TERF2: variants seen among roughly 807,000 people sequenced by gnomAD.
The protein encoded by TERF2 is telomeric repeat binding factor 2.
A neutral mutation model predicts 56.1 loss-of-function variants in TERF2; 16 were observed. The observed-to-expected ratio is 0.29, with a 90% CI of 0.19 to 0.43. TERF2 has a LOEUF of 0.43. Among genes scored for constraint, TERF2 ranks in the 20% least tolerant of loss-of-function variants. The pLI is 1.00. For missense variants in TERF2, 547 were observed against 712.9 expected (o/e 0.77, Z 2.65); for synonymous variants, 296 against 282.1 (o/e 1.05, Z -0.50).
At chr16:69,358,935 G>T (rs566139607) in intron 8 of TERF2, among the ~76,000 whole-genome samples, 1 of 151,956 alleles carries the variant, frequency 6.6e-6, no homozygotes, top group African/African-American at 2.4e-5. Context: ...CTATTTTTCC[G>T]CTACAAACCT....
chr16:69,382,300 A>T (rs975442867), intron 3 of TERF2, among the ~76,000 whole-genome samples: 1 of 152,258 alleles, frequency 6.6e-6, no homozygotes, highest in Non-Finnish European at 1.5e-5. Context: ...ATGCATGAGC[A>T]AGGCTCACTG....
intron 3 of TERF2, among the ~76,000 whole-genome samples, chr16:69,375,047 G>C (rs1290445681): frequency 6.6e-6 from 1 of 152,124 alleles, no homozygotes; most frequent in Non-Finnish European, 1.5e-5. Context: ...CTTTCACTCT[G>C]TATAAGGCCT....
intron 8 of TERF2, 95 bp from the exon 9 acceptor site, chr16:69,357,656 C>A: frequency 2.1e-6 from 3 of 1,436,926 alleles, no homozygotes; most frequent in Non-Finnish European, 2.9e-6. Flanking sequence ...GGGAAAACTT[C>A]TTCAAATTTC....
intron 3 of TERF2, among the ~76,000 whole-genome samples, chr16:69,376,975 C>T (rs899634961): frequency 2.0e-5 from 3 of 151,670 alleles, no homozygotes; most frequent in Admixed American, 6.6e-5. Flanking sequence ...CCGACGCAGG[C>T]GGATTGCCTG....
In TERF2 at chr16:69,385,853, G is replaced by A; in HGVS notation, c.119C>T (p.Ser40Leu). Residue 40 changes from serine (S) to leucine (L), a missense_variant, in exon 1 of 10, where the codon TCG becomes TTG. By Grantham distance (145) the Ser-to-Leu change is moderately radical. Transcript: ENST00000254942. ...CCCGCCTCCTCCCGCCATCGTGTCC[G>A]ATCGCCGCGCGCCCTCCCCGCCCTC... ...GREGGEGARR[S>L]DTMAGGGGSS... 1.5e-6 allele frequency: 2 copies of A among 1,366,796 alleles called. No homozygotes were observed. The highest frequency in any genetic ancestry group is 1.7e-5 in the South Asian group (1 of 58,814). The allele number at this position is 1,366,796 out of a possible 1,614,324, so 84.7% of individuals were successfully genotyped here.
chr16:69,384,136 T>C (rs2014100871), intron 3 of TERF2, among the ~76,000 whole-genome samples: 1 of 152,206 alleles, frequency 6.6e-6, no homozygotes, highest in Non-Finnish European at 1.5e-5. Context: ...CTGATTCTAA[T>C]CTATCTGTTC....
At chr16:69,370,327 G>T in intron 5 of TERF2, 156 bp downstream of exon 5, 1 of 1,062,126 alleles carries the variant, frequency 9.4e-7, no homozygotes, top group Non-Finnish European at 1.3e-6. Flanking sequence ...CATTGCGCCT[G>T]GCCTGCTTTT....
chr16:69,370,047 T>G (rs906800515), intron 5 of TERF2, among the ~76,000 whole-genome samples: 2 of 152,230 alleles, frequency 1.3e-5, no homozygotes, highest in Non-Finnish European at 2.9e-5. Flanking sequence ...TATTTATTTT[T>G]TGAGACGGAG....
chr16:69,361,772 C>T (rs1452393450), intron 7 of TERF2, among the ~76,000 whole-genome samples: 2 of 151,632 alleles, frequency 1.3e-5, no homozygotes, highest in Non-Finnish European at 2.9e-5. Context: ...TCCTGTTTTG[C>T]TTGTTTGGTT....
At chr16:69,370,686 A>G (rs2013536189) in intron 4 of TERF2, 57 bp from the exon 5 acceptor site, 3 of 1,534,264 alleles carry the variant, frequency 2.0e-6, no homozygotes, top group African/African-American at 2.7e-5. Flanking sequence ...TAAAAATTCA[A>G]TGATGATGAG....
intron 3 of TERF2, among the ~76,000 whole-genome samples, chr16:69,378,975 A>C (rs2013896400): frequency 6.6e-6 from 1 of 151,964 alleles, no homozygotes; most frequent in African/African-American, 2.4e-5. Flanking sequence ...TAAAAAGATG[A>C]ATCACTGCTT....
At chr16:69,364,424 C>T (rs941209880) in intron 7 of TERF2, among the ~76,000 whole-genome samples, 1 of 152,140 alleles carries the variant, frequency 6.6e-6, no homozygotes, top group Non-Finnish European at 1.5e-5. Flanking sequence ...ATTCAGTAGC[C>T]AGGAGCCTGG....
chr16:69,385,286 TG>T lies in TERF2; in HGVS notation c.475+104del, dbSNP rs1188675469. 4.1e-6 allele frequency: 4 copies of T among 984,252 alleles called. No individual in the cohort carries two copies. The East Asian group carries it at 7.3e-5, about 18-fold the overall frequency. The allele number at this position is 984,252 out of a possible 1,614,324, so 61.0% of individuals were successfully genotyped here. On this transcript the variant is annotated intron_variant, in intron 2 of 9. Coordinates refer to ENST00000254942, the MANE Select transcript of TERF2 (RefSeq NM_005652.5). ...CGTAGAATGAAAAAGACCACTCTGATGGAAACTATCGCACTTTAACCTGGAA... is the reference window on the plus strand; with the variant it reads ...CGTAGAATGAAAAAGACCACTCTGATGAAACTATCGCACTTTAACCTGGAA...
chr16:69,384,164 A>T (rs1175744759), intron 3 of TERF2, among the ~76,000 whole-genome samples: 1 of 152,186 alleles, frequency 6.6e-6, no homozygotes, highest in Non-Finnish European at 1.5e-5. Context: ...ATATTCTCTA[A>T]GCCCCTCTTT....
At position 69,356,867 on chromosome 16, in the gene TERF2, C is replaced by G. The variant is rs778529288; in HGVS notation, c.*31G>C. 1 of 1,592,998 alleles carries G rather than the reference C, an allele frequency of 6.3e-7. No homozygotes were observed. Among genetic ancestry groups the G allele is most frequent in the Non-Finnish European group, 8.5e-7 (1 of 1,170,912 alleles). On this transcript the variant is annotated 3_prime_UTR_variant, in exon 10 of 10. Transcript: ENST00000254942. ...AGGGGCTATTATTAGGAACCATGCT[C>G]CTGTGAATTCTGTGGAAATGAAAGC... is the stretch of plus-strand genomic sequence containing the variant.
rs1251969114 is a variant in TERF2 at position 69,356,839 on chromosome 16, A to C, written c.*59T>G. The stretch of plus-strand genomic sequence containing the variant: ...AAGAAAAAGAAAGAAAGAGCAGACT[A>C]TCAGGGGCTATTATTAGGAACCATG... On this transcript the variant is annotated 3_prime_UTR_variant, in exon 10 of 10. Transcript: ENST00000254942. 2.0e-6 allele frequency: 3 copies of C among 1,513,776 alleles called. No homozygotes were observed. The highest frequency in any genetic ancestry group is 2.3e-5 in the East Asian group (1 of 43,454). The allele number at this position is 1,513,776 out of a possible 1,614,324, so 93.8% of individuals were successfully genotyped here.
intron 3 of TERF2, among the ~76,000 whole-genome samples, chr16:69,382,084 T>C (rs2014020830): frequency 6.6e-6 from 1 of 152,244 alleles, no homozygotes; most frequent in Non-Finnish European, 1.5e-5. Flanking sequence ...CAAATGCCAA[T>C]GCATTGAAAA....
intron 3 of TERF2, among the ~76,000 whole-genome samples, chr16:69,381,196 T>C (rs183200619): frequency 2.1e-4 from 32 of 152,324 alleles, no homozygotes; most frequent in Middle Eastern, 3.4e-3. Flanking sequence ...GAATACAAGT[T>C]TTCCAAAATT....
rs1053487572 is a variant in TERF2 at position 69,366,903 on chromosome 16, G to A, written c.1244C>T (p.Pro415Leu). ...VLEEDSQSTE[P>L]SAGLNSSQEA... is the part of the protein sequence containing the mutation. Reference sequence around the variant, plus strand: ...CTGGGAGGAGTTGAGGCCTGCGCTGGGCTCAGTACTCTGGCTGTCCTCCTC... The same window carrying A: ...CTGGGAGGAGTTGAGGCCTGCGCTGAGCTCAGTACTCTGGCTGTCCTCCTC... The change falls in exon 7 of 10, where the codon CCC becomes CTC. Residue 415 changes from proline (P) to leucine (L), a missense_variant. Physicochemically the swap from Pro to Leu is moderately conservative, Grantham distance 98. Around this residue, in one of 6 missense-constraint regions of TERF2, gnomAD observed 211 missense variants for 236.8 expected, o/e 0.89. Coordinates refer to ENST00000254942, the MANE Select transcript of TERF2 (RefSeq NM_005652.5). 6 of 1,614,048 alleles carry A rather than the reference G, an allele frequency of 3.7e-6. No individual in the cohort carries two copies. The African/African-American group carries it at 8.0e-5, about 22-fold the overall frequency.
Sources: allele counts gnomAD v4.1 joint callset (sites outside exome capture counted in the v4.1 genomes callset), GRCh38; gene constraint gnomAD v4.1.1; regional missense constraint gnomAD v4.1.1; transcripts MANE v1.5; gene names NCBI Gene and HGNC (gene_info 2026-07-23, HGNC 2026-07-21).